Variants in GRIP2 observed in about 807,000 individuals in gnomAD.
GRIP2 encodes the protein glutamate receptor-interacting protein 2.
In GRIP2, 58 loss-of-function variants were observed where a neutral mutation model predicts 108.3. The ratio of observed to expected loss-of-function variants is 0.54; its 90% CI spans 0.43 to 0.67. The LOEUF (loss-of-function observed/expected upper bound fraction) is 0.67, where lower values mean the gene tolerates loss of function less well. Among genes scored for constraint, GRIP2 ranks in the 30% least tolerant of loss-of-function variants. The probability of loss-of-function intolerance (pLI) is 0.00; values close to 1 mark genes in which losing one functional copy is unlikely to be tolerated. For missense variants in GRIP2, 1,278 were observed against 1,430.6 expected, an observed-to-expected ratio of 0.89 and a Z score of 1.72; for synonymous variants, 586 against 598.2, an observed-to-expected ratio of 0.98 and a Z score of 0.30.
the GRIP2 span, among the ~76,000 whole-genome samples, chr3:14,586,546 G>A: frequency 2.6e-5 from 4 of 152,188 alleles, no homozygotes; most frequent in Non-Finnish European, 5.9e-5. Context: ...AAGGTGCTGG[G>A]GTTAGGGGCA....
In GRIP2 at chr3:14,498,654, A is replaced by G. The variant is rs1280116912; in HGVS notation, c.2680-2094T>C. Among the ~76,000 whole-genome samples, 4 of 152,314 alleles carry G rather than the reference A, an allele frequency of 2.6e-5. No homozygotes were observed. In the East Asian group the frequency reaches 7.7e-4, roughly 29 times the overall value. ...TCCTCATTTTGGGATAATAAGAGTTATTAAAACACAGAATCAGGGAGTCCA... is the reference window on the plus strand; with the variant it reads ...TCCTCATTTTGGGATAATAAGAGTTGTTAAAACACAGAATCAGGGAGTCCA... On this transcript the variant is annotated intron_variant, in intron 21 of 23. Coordinates refer to ENST00000621039, the MANE Select transcript of GRIP2 (RefSeq NM_001080423.4).
chr3:14,552,634 C>CT (rs35588712), intron 1 of GRIP2, among the ~76,000 whole-genome samples: 2,276 of 129,186 alleles, frequency 0.018, 64 homozygotes, highest in African/African-American at 0.055. Context: ...CTCTCTCTCT[C>CT]TTTTTTTTTT....
At chr3:14,565,968 C>T in the GRIP2 span, among the ~76,000 whole-genome samples, 42 of 152,352 alleles carry the variant, frequency 2.8e-4, 1 homozygote, top group South Asian at 2.1e-3. Context: ...AGTGGCAGGG[C>T]CATCTCTGGG....
intron 9 of GRIP2, among the ~76,000 whole-genome samples, chr3:14,518,540 C>T (rs1694317823): frequency 6.6e-6 from 1 of 152,150 alleles, no homozygotes; most frequent in Non-Finnish European, 1.5e-5. Flanking sequence ...CAGGGAACCC[C>T]CACTGCCCCG....
chr3:14,574,579 C>T, the GRIP2 span: 1 of 725,978 alleles, frequency 1.4e-6, no homozygotes, highest in Non-Finnish European at 2.6e-6. Context: ...TCAAAAACTT[C>T]GTCCGGGTAT....
chr3:14,534,080 T>G (rs1053181621), intron 1 of GRIP2, among the ~76,000 whole-genome samples: 4 of 152,044 alleles, frequency 2.6e-5, no homozygotes, highest in Non-Finnish European at 5.9e-5. Context: ...CCTGGCATAG[T>G]CAGAAAGGTG....
chr3:14,502,570 T>G (rs1693796445), intron 21 of GRIP2, among the ~76,000 whole-genome samples: 1 of 151,842 alleles, frequency 6.6e-6, no homozygotes, highest in Admixed American at 6.6e-5. Context: ...TAAAATAAAT[T>G]TAATGAAACA....
intron 22 of GRIP2, among the ~76,000 whole-genome samples, chr3:14,496,006 G>A (rs564781644): frequency 4.6e-5 from 7 of 152,168 alleles, no homozygotes; most frequent in African/African-American, 1.7e-4. Flanking sequence ...TTAGCCAGGT[G>A]TAGTGGTGCA....
the GRIP2 span, among the ~76,000 whole-genome samples, chr3:14,584,134 G>A: frequency 2.0e-5 from 3 of 152,188 alleles, no homozygotes; most frequent in Non-Finnish European, 2.9e-5. Flanking sequence ...TAGGTGAGGG[G>A]AGTAGCTCAG....
chr3:14,593,013 T>C, the GRIP2 span, among the ~76,000 whole-genome samples: 1 of 152,178 alleles, frequency 6.6e-6, no homozygotes, highest in Non-Finnish European at 1.5e-5. Flanking sequence ...GCTCCACTGA[T>C]CGCACCCCTG....
rs1225349524 is a variant in GRIP2 at position 14,493,831 on chromosome 3, A to C, written c.2971-5T>G. ...CCGTGTACGGACGTGGTTGACCTGCATGGGGCACAAGCAAGGGAACAGAAC... is the reference window on the plus strand; with the variant it reads ...CCGTGTACGGACGTGGTTGACCTGCCTGGGGCACAAGCAAGGGAACAGAAC... On this transcript the variant is annotated splice_region_variant and splice_polypyrimidine_tract_variant and intron_variant, in intron 23 of 23. Coordinates refer to ENST00000621039, the MANE Select transcript of GRIP2 (RefSeq NM_001080423.4). 1 of 1,609,712 alleles carries C rather than the reference A, an allele frequency of 6.2e-7. No homozygotes were observed. The highest frequency in any genetic ancestry group is 8.5e-7 in the Non-Finnish European group (1 of 1,177,104).
At chr3:14,495,972 C>A (rs1292048316) in intron 22 of GRIP2, among the ~76,000 whole-genome samples, 1 of 152,090 alleles carries the variant, frequency 6.6e-6, no homozygotes, top group Non-Finnish European at 1.5e-5. Context: ...CTGTTGAAAC[C>A]CTGTCTCTAA....
chr3:14,540,964 C>CT (rs1290219811), upstream of GRIP2, among the ~76,000 whole-genome samples: 1 of 152,230 alleles, frequency 6.6e-6, no homozygotes, highest in Non-Finnish European at 1.5e-5. This position sits in a 1 kb window ranked among gnomAD's most constrained non-coding sequence, Gnocchi z 4.1. Flanking sequence ...GGCCACCCAG[C>CT]TTTTTGTGAA....
At chr3:14,570,289 A>C in the GRIP2 span, among the ~76,000 whole-genome samples, 1 of 152,200 alleles carries the variant, frequency 6.6e-6, no homozygotes, top group African/African-American at 2.4e-5. Flanking sequence ...CTGACCCCAG[A>C]TCAGCATCTT....
At chr3:14,542,510 T>C (rs1694993729), upstream of GRIP2, among the ~76,000 whole-genome samples, 1 of 150,272 alleles carries the variant, frequency 6.7e-6, no homozygotes, top group African/African-American at 2.4e-5. Flanking sequence ...TTGCTCTCCA[T>C]ACAGATGCAT....
chr3:14,494,638 A>G lies in GRIP2; in HGVS notation c.2970+205T>C, dbSNP rs527983304. On this transcript the variant is annotated intron_variant, in intron 23 of 23. Coordinates refer to ENST00000621039, the MANE Select transcript of GRIP2 (RefSeq NM_001080423.4). ...ACAAGAAGGCCCCCACCAGCCCACA[A>G]TGGGCATGGGGTGTAAGAAGAAAGG... is the stretch of plus-strand genomic sequence containing the variant. Among the ~76,000 whole-genome samples the G allele has an allele frequency of 5.9e-4, 90 of 152,314 alleles. 1 individual carries two copies. Among genetic ancestry groups the G allele is most frequent in the African/African-American group, 1.9e-3 (80 of 41,570 alleles).
rs755226656 is a variant in GRIP2 at position 14,494,989 on chromosome 3, C to A, written c.2824G>T (p.Val942Leu). 6.2e-7 allele frequency: 1 copy of A among 1,613,634 alleles called. No individual in the cohort carries two copies. Among genetic ancestry groups the A allele is most frequent in the South Asian group, 1.1e-5 (1 of 91,046 alleles). Residue 942 changes from valine (V) to leucine (L), a missense_variant and splice_region_variant, in exon 23 of 24, where the codon GTG (valine) becomes TTG (leucine). By Grantham distance (32) the Val-to-Leu change is conservative. Coordinates refer to ENST00000621039, the MANE Select transcript of GRIP2 (RefSeq NM_001080423.4). ...CGCATGGGGTCCTTGTGCAGGGTCA[C>A]CTGGAAGCAGAAGGAGGAGGAGGTT... Reference protein sequence around the residue: ...LLPTPLEMHKVTLHKDPMRHD... With the variant: ...LLPTPLEMHKLTLHKDPMRHD...
intron 1 of GRIP2, among the ~76,000 whole-genome samples, chr3:14,528,082 G>C (rs1369370245): frequency 6.6e-6 from 1 of 152,080 alleles, no homozygotes; most frequent in African/African-American, 2.4e-5. Context: ...CCCAACCTCT[G>C]TTCCCCACAA....
the GRIP2 span, chr3:14,573,374 C>T: frequency 7.5e-7 from 1 of 1,332,630 alleles, no homozygotes; most frequent in Non-Finnish European, 1.1e-6. Context: ...TCTCCAGGTC[C>T]CGCGGGATGG....
Sources: gnomAD v4.1 joint callset for allele counts (sites outside exome capture counted in the v4.1 genomes callset) on GRCh38, gnomAD v4.1.1 for gene constraint, Gnocchi (gnomAD v3.1) non-coding constraint, MANE v1.5 for transcripts, NCBI Gene and HGNC (gene_info 2026-07-23, HGNC 2026-07-21) for gene names.